Variants in CTNNA3 observed in about 807,000 individuals in gnomAD.
CTNNA3 encodes the protein catenin alpha 3.
Under a neutral mutation model 95.7 loss-of-function variants are expected in CTNNA3, and 76 were observed. That is an observed-to-expected ratio of 0.79 (90% CI 0.66 to 0.96). The LOEUF is 0.96. Among genes scored for constraint, CTNNA3 ranks in the 40% least tolerant of loss-of-function variants. CTNNA3 has a pLI of 0.00. For synonymous variants in CTNNA3, 431 were observed against 374.4 expected, an observed-to-expected ratio of 1.15 and a Z score of -1.74; for missense variants, 1,191 against 1,089.8, an observed-to-expected ratio of 1.09 and a Z score of -1.31.
In CTNNA3 at chr10:66,357,717, A is replaced by T. The variant is rs189726215; in HGVS notation, c.1732+21435T>A. Among the ~76,000 whole-genome samples the T allele has an allele frequency of 2.9e-3, 449 of 152,266 alleles. 9 individuals are homozygous for T. The highest frequency in any genetic ancestry group is 2.5e-3 in the East Asian group (13 of 5,182). On this transcript the variant is annotated intron_variant, in intron 12 of 17. Transcript: ENST00000433211. ...TTATATAGTATGTATCAGTACTATT[A>T]TACTCACTTTAGGGCTATTAATAAT...
At chr10:67,111,077 C>T (rs1298680187) in intron 7 of CTNNA3, among the ~76,000 whole-genome samples, 1 of 152,116 alleles carries the variant, frequency 6.6e-6, no homozygotes, top group African/African-American at 2.4e-5. Flanking sequence ...TAATATATTA[C>T]TCTGCTTATT....
intron 5 of CTNNA3, among the ~76,000 whole-genome samples, chr10:67,286,707 T>G (rs1839616718): frequency 6.6e-6 from 1 of 152,172 alleles, no homozygotes; most frequent in Non-Finnish European, 1.5e-5. Flanking sequence ...AGAAAAACAT[T>G]CAAGAAATGG....
intron 5 of CTNNA3, among the ~76,000 whole-genome samples, chr10:67,462,004 T>C (rs1847396749): frequency 6.6e-6 from 1 of 152,222 alleles, no homozygotes; most frequent in South Asian, 2.1e-4. Flanking sequence ...ATTAGCCAAA[T>C]TCCTCATTAT....
rs1346990378 is a variant in CTNNA3 at position 66,323,766 on chromosome 10, A to G, written c.1733-43145T>C. ...ACAGGCATTTCTGTTTTCTCTCCCA[A>G]AAAGTTGCCTTTTGGCCTGCCATGT... On this transcript the variant is annotated intron_variant, in intron 12 of 17. Coordinates refer to ENST00000433211, the MANE Select transcript of CTNNA3 (RefSeq NM_013266.4). 2.0e-5 allele frequency among the ~76,000 whole-genome samples: 3 copies of G among 151,910 alleles called. No individual in the cohort carries two copies. The East Asian group carries it at 5.8e-4, about 29-fold the overall frequency.
In CTNNA3 at chr10:66,030,580, T is replaced by G. The variant is rs143854331; in HGVS notation, c.2159+38728A>C. ...ACTCAAGATGGATTAACAACTTAAA[T>G]GTAAGACCTAAACCTATGAAAATCC... On this transcript the variant is annotated intron_variant, in intron 15 of 17. Transcript: ENST00000433211. 8.5e-4 allele frequency among the ~76,000 whole-genome samples: 129 copies of G among 152,286 alleles called. 3 individuals are homozygous for G. The East Asian group carries it at 0.024, about 28-fold the overall frequency.
intron 10 of CTNNA3, among the ~76,000 whole-genome samples, chr10:66,541,563 G>A (rs1841852238): frequency 6.6e-6 from 1 of 152,142 alleles, no homozygotes; most frequent in Admixed American, 6.5e-5. Flanking sequence ...TTAATGTATT[G>A]TTAGGTAAAA....
At chr10:67,159,786 A>G (rs913457757) in intron 7 of CTNNA3, among the ~76,000 whole-genome samples, 2 of 152,200 alleles carry the variant, frequency 1.3e-5, no homozygotes, top group African/African-American at 4.8e-5. Flanking sequence ...AAAATAGGGG[A>G]AAAACTTCAT....
intron 9 of CTNNA3, among the ~76,000 whole-genome samples, chr10:66,758,218 A>G (rs1453922494): frequency 6.6e-6 from 1 of 152,170 alleles, no homozygotes; most frequent in Non-Finnish European, 1.5e-5. Context: ...GGAGAAAATT[A>G]TTTTAATCTC....
At chr10:66,061,422 G>A (rs1038209013) in intron 15 of CTNNA3, among the ~76,000 whole-genome samples, 5 of 152,002 alleles carry the variant, frequency 3.3e-5, no homozygotes, top group African/African-American at 9.7e-5. Flanking sequence ...TCTCCAAAGC[G>A]CATCTAATTA....
At chr10:66,653,059 G>T (rs1214000825) in intron 9 of CTNNA3, among the ~76,000 whole-genome samples, 6 of 152,068 alleles carry the variant, frequency 3.9e-5, no homozygotes, top group Non-Finnish European at 7.4e-5. Context: ...TTAGGAATAA[G>T]ACAAGGATTC....
At chr10:66,446,723 G>C (rs1589263557) in intron 11 of CTNNA3, among the ~76,000 whole-genome samples, 3 of 152,244 alleles carry the variant, frequency 2.0e-5, no homozygotes, top group Non-Finnish European at 4.4e-5. Context: ...ATATCATACT[G>C]AATGGGCAAA....
chr10:67,002,256 A>T (rs1339871614), intron 7 of CTNNA3, among the ~76,000 whole-genome samples: 1 of 152,128 alleles, frequency 6.6e-6, no homozygotes, highest in East Asian at 1.9e-4. Flanking sequence ...ATAATATTCT[A>T]CTTATATATC....
At chr10:67,177,703 C>A (rs1862311919) in intron 7 of CTNNA3, among the ~76,000 whole-genome samples, 1 of 152,154 alleles carries the variant, frequency 6.6e-6, no homozygotes, top group Admixed American at 6.5e-5. Context: ...AAAACTGATG[C>A]AACAGCTATA....
chr10:67,641,830 G>T (rs983446620), intron 2 of CTNNA3, among the ~76,000 whole-genome samples: 5 of 152,078 alleles, frequency 3.3e-5, no homozygotes, highest in Non-Finnish European at 7.4e-5. Context: ...ACACAGGAAG[G>T]GGAACATCAC....
intron 11 of CTNNA3, among the ~76,000 whole-genome samples, chr10:66,395,863 C>A (rs747014142): frequency 6.6e-6 from 1 of 151,902 alleles, no homozygotes; most frequent in Admixed American, 6.6e-5. Context: ...GAGGTTTGGG[C>A]TCCTAGCATA....
At chr10:67,439,444 GGCCGGA>G (rs1485850585) in intron 5 of CTNNA3, among the ~76,000 whole-genome samples, 2 of 152,064 alleles carry the variant, frequency 1.3e-5, no homozygotes, top group Non-Finnish European at 2.9e-5. Flanking sequence ...CATCTTACAT[GGCCGGA>G]GCAAGAGCAA....
chr10:67,720,234 G>T (rs1268744230), intron 1 of CTNNA3, among the ~76,000 whole-genome samples: 3 of 147,940 alleles, frequency 2.0e-5, no homozygotes, highest in African/African-American at 7.5e-5. Flanking sequence ...TGGGTCTCCT[G>T]AATGTATTCA....
intron 12 of CTNNA3, among the ~76,000 whole-genome samples, chr10:66,343,626 C>A (rs893218718): frequency 4.6e-5 from 7 of 151,852 alleles, no homozygotes; most frequent in Admixed American, 1.3e-4. Context: ...ATACAAAATT[C>A]CAGCTAGATA....
chr10:66,849,908 A>AT (rs36004979), intron 7 of CTNNA3, among the ~76,000 whole-genome samples: 55,131 of 151,974 alleles, frequency 0.36, 10,907 homozygotes, highest in Non-Finnish European at 0.46. Context: ...GAAAGCTTAA[A>AT]TTTTTTACTT....
Sources: gnomAD v4.1 joint callset for allele counts (sites outside exome capture counted in the v4.1 genomes callset) on GRCh38, gnomAD v4.1.1 for gene constraint, MANE v1.5 for transcripts, NCBI Gene and HGNC (gene_info 2026-07-23, HGNC 2026-07-21) for gene names.